Variants in ALG8 observed in about 807,000 individuals in gnomAD.
ALG8 encodes dolichyl pyrophosphate Glc1Man9GlcNAc2 alpha-1,3-glucosyltransferase.
ALG8 carries 48 observed loss-of-function variants against 70.2 expected under a neutral mutation model. The ratio of observed to expected loss-of-function variants is 0.68; its 90% CI spans 0.54 to 0.87. ALG8 has a LOEUF of 0.87. ALG8 is among the 40% of genes least tolerant of loss of function. The probability of loss-of-function intolerance (pLI) is 0.00; values close to 1 mark genes in which losing one functional copy is unlikely to be tolerated. For synonymous variants in ALG8, 234 were observed against 229.0 expected, an observed-to-expected ratio of 1.02 and a Z score of -0.20; for missense variants, 572 against 608.7, an observed-to-expected ratio of 0.94 and a Z score of 0.64.
intron 8 of ALG8, among the ~76,000 whole-genome samples, chr11:78,111,229 G>C (rs976294140): frequency 6.6e-6 from 1 of 152,182 alleles, no homozygotes; most frequent in African/African-American, 2.4e-5. Context: ...CTGAGGTACA[G>C]AGATGGAGTA....
Position 78,112,763 on chromosome 11 carries a change from A to G in ALG8, c.785T>C (p.Leu262Pro). Residue 262 changes from leucine (L) to proline (P), a missense_variant, in exon 8 of 13, where the codon CTG (leucine) becomes CCG (proline). Transcript: ENST00000299626. The stretch of plus-strand genomic sequence containing the variant: ...AAAGAGTCGGGAAAAGACTTGAGGC[A>G]GCTGATTCTGTTGAAAAGAGAAATG... ...SLGPFLALNQ[L>P]PQVFSRLFPF... The G allele has an allele frequency of 1.2e-6, 2 of 1,613,704 alleles. No homozygotes were observed. The highest frequency in any genetic ancestry group is 1.7e-6 in the Non-Finnish European group (2 of 1,179,702).
At chr11:78,127,584 C>A in intron 1 of ALG8, 148 bp from the exon 2 acceptor site, 1 of 729,788 alleles carries the variant, frequency 1.4e-6, no homozygotes, top group African/African-American at 1.8e-5. Flanking sequence ...TTACATAATC[C>A]TGTAAAACCT....
At chr11:78,111,815 T>C (rs1860303856) in intron 8 of ALG8, among the ~76,000 whole-genome samples, 1 of 152,194 alleles carries the variant, frequency 6.6e-6, no homozygotes. Flanking sequence ...AGTAGAACCA[T>C]CTCAAACCAT....
rs888311317 is a variant in ALG8, at chr11:78,114,167, T to C, written c.673+99A>G. On this transcript the variant is annotated intron_variant, in intron 6 of 12. Transcript: ENST00000299626. Reference sequence around the variant, plus strand: ...GCTTACAGGATTAGCAGCTGAGATATCTGCTGTGCTTCATAAAACCTTCTT... The same window carrying C: ...GCTTACAGGATTAGCAGCTGAGATACCTGCTGTGCTTCATAAAACCTTCTT... 10 of 1,511,562 alleles carry C rather than the reference T, an allele frequency of 6.6e-6. No homozygotes were observed. The African/African-American group carries it at 1.1e-4, about 17-fold the overall frequency. The allele number at this position is 1,511,562 out of a possible 1,614,324, so 93.6% of individuals were successfully genotyped here.
At chr11:78,118,358 G>A (rs914263869) in intron 5 of ALG8, among the ~76,000 whole-genome samples, 17 of 152,176 alleles carry the variant, frequency 1.1e-4, no homozygotes, top group Non-Finnish European at 4.4e-5. Context: ...GCTCATGCCT[G>A]TAATCCCAGC....
chr11:78,104,125 A>G, intron 11 of ALG8, 73 bp from the exon 12 acceptor site: 1 of 1,041,284 alleles, frequency 9.6e-7, no homozygotes, highest in East Asian at 2.5e-5. Context: ...AAGTAATATA[A>G]GCACACTGAC....
intron 1 of ALG8, among the ~76,000 whole-genome samples, chr11:78,132,594 C>T (rs755694169): frequency 6.6e-6 from 1 of 152,154 alleles, no homozygotes; most frequent in East Asian, 1.9e-4. Context: ...GCTACACTGG[C>T]CTTATCATAG....
intron 5 of ALG8, among the ~76,000 whole-genome samples, chr11:78,116,794 T>G (rs976584886): frequency 6.6e-6 from 1 of 152,140 alleles, no homozygotes; most frequent in African/African-American, 2.4e-5. Flanking sequence ...ACAGTCCTGA[T>G]GTTCTGCAGG....
At chr11:78,136,670 TA>T (rs1169938196) in intron 1 of ALG8, among the ~76,000 whole-genome samples, 3 of 152,218 alleles carry the variant, frequency 2.0e-5, no homozygotes, top group Non-Finnish European at 4.4e-5. Context: ...AGATTTAGCA[TA>T]AGTCTTAAGG....
chr11:78,138,824 T>G (rs764921850), intron 1 of ALG8: 1 of 456,266 alleles, frequency 2.2e-6, no homozygotes, highest in South Asian at 1.5e-5. Context: ...CTGTGTTATC[T>G]GTCCCCAGTG....
intron 4 of ALG8, 33 bp downstream of exon 4, chr11:78,121,032 G>A: frequency 6.6e-7 from 1 of 1,507,574 alleles, no homozygotes; most frequent in Non-Finnish European, 9.2e-7. Context: ...ATCAGAATTA[G>A]TAAGGGAATA....
chr11:78,119,127 A>G (rs1860708256), intron 5 of ALG8, 55 bp downstream of exon 5: 1 of 1,402,642 alleles, frequency 7.1e-7, no homozygotes, highest in Non-Finnish European at 1.0e-6. Context: ...TGTTCCCTTT[A>G]CAATCTAAAA....
intron 3 of ALG8, among the ~76,000 whole-genome samples, chr11:78,123,315 G>GAAAAAA (rs1220218900): frequency 1.9e-4 from 17 of 88,540 alleles, no homozygotes; most frequent in South Asian, 3.8e-4. Flanking sequence ...GGAAAAAAAA[G>GAAAAAA]AAAAAAAAAA....
At chr11:78,102,905 C>A (rs757135422) in intron 12 of ALG8, 1 of 153,802 alleles carries the variant, frequency 6.5e-6, no homozygotes, top group Non-Finnish European at 1.4e-5. Flanking sequence ...TAGCTGAGAT[C>A]GTGCCATTGC....
At chr11:78,115,178 G>A (rs576327269) in intron 5 of ALG8, among the ~76,000 whole-genome samples, 26 of 151,952 alleles carry the variant, frequency 1.7e-4, no homozygotes, top group Admixed American at 3.3e-4. Flanking sequence ...GACTACAGGC[G>A]TGTGCCAACA....
chr11:78,118,844 G>A (rs1365309986), intron 5 of ALG8, among the ~76,000 whole-genome samples: 3 of 152,180 alleles, frequency 2.0e-5, no homozygotes, highest in Admixed American at 2.0e-4. Context: ...TTGAACCCAA[G>A]AGGCAGAGGT....
intron 1 of ALG8, chr11:78,133,341 C>T (rs1010756502): frequency 6.6e-6 from 1 of 152,124 alleles, no homozygotes; most frequent in Admixed American, 6.6e-5. Flanking sequence ...TGCATTTATC[C>T]TGTAACTTCC....
At chr11:78,101,519 C>T (rs886831073) in intron 12 of ALG8, among the ~76,000 whole-genome samples, 37 of 152,120 alleles carry the variant, frequency 2.4e-4, no homozygotes, top group Non-Finnish European at 1.0e-4. Flanking sequence ...ATTCCAGCTA[C>T]TTGGGAGGCT....
Position 78,100,982 on chromosome 11 carries a change from G to A in ALG8, c.1563C>T (p.Gly521=), listed in dbSNP as rs937403026. 1 of 1,613,792 alleles carries A rather than the reference G, an allele frequency of 6.2e-7. No individual in the cohort carries two copies. Among genetic ancestry groups the A allele is most frequent in the African/African-American group, 1.3e-5 (1 of 74,900 alleles). ...CCTTTATTCATTGTTTCTTTGTCTT[G>A]CCAATAGCAGAGTCAATCAATACTG... is the stretch of plus-strand genomic sequence containing the variant. ...YVSVLIDSAI[G]KTKKQ is the part of the protein sequence containing the mutation. The change falls in exon 13 of 13, where the codon GGC becomes GGT. Residue 521 remains glycine (G), a synonymous_variant. Transcript: ENST00000299626.
Sources: allele counts gnomAD v4.1 joint callset (sites outside exome capture counted in the v4.1 genomes callset), GRCh38; gene constraint gnomAD v4.1.1; transcripts MANE v1.5; gene names NCBI Gene and HGNC (gene_info 2026-07-23, HGNC 2026-07-21).